The following ATP9A variants were observed in gnomAD, a reference collection of about 807,000 sequenced individuals.
ATP9A encodes the protein probable phospholipid-transporting ATPase IIA.
In ATP9A, 52 loss-of-function variants were observed where a neutral mutation model predicts 144.1. The ratio of observed to expected loss-of-function variants is 0.36; its 90% CI spans 0.29 to 0.45. ATP9A has a LOEUF of 0.45. Ranked by LOEUF, ATP9A falls within the 20% of genes least tolerant of loss-of-function variation. The pLI is 1.00. For synonymous variants in ATP9A, 582 were observed against 557.4 expected (o/e 1.04, Z -0.62); for missense variants, 947 against 1,392.7 (o/e 0.68, Z 5.09).
rs1241486754 is a variant in ATP9A at position 51,696,103 on chromosome 20, T to C, written c.537A>G (p.Ser179=). The C allele has an allele frequency of 1.2e-6, 2 of 1,613,740 alleles. No homozygotes were observed. Among genetic ancestry groups the C allele is most frequent in the African/African-American group, 2.7e-5 (2 of 74,926 alleles). ...ATCTCAGATGTTTACCGTTTTTTTCTGATGTCCTCAGGAAGATCATGTCGG... is the reference window on the plus strand; with the variant it reads ...ATCTCAGATGTTTACCGTTTTTTTCCGATGTCCTCAGGAAGATCATGTCGG... ...VPADMIFLRT[S]EKNGSCFLRT... is the part of the protein sequence containing the mutation. Residue 179 remains serine, a synonymous_variant, in exon 6 of 28, where the codon TCA becomes TCG. Transcript: ENST00000338821.
chr20:51,721,077 G>A (rs922517266), intron 3 of ATP9A, among the ~76,000 whole-genome samples: 4 of 152,186 alleles, frequency 2.6e-5, no homozygotes, highest in African/African-American at 9.7e-5. Flanking sequence ...TGTTTGTGTG[G>A]AAGAAATGAC....
chr20:51,631,579 CAA>C (rs1290808697), intron 15 of ATP9A, among the ~76,000 whole-genome samples: 1 of 152,184 alleles, frequency 6.6e-6, no homozygotes, highest in Non-Finnish European at 1.5e-5. Context: ...GAGTTCATCA[CAA>C]GTTTATTTCG....
intron 1 of ATP9A, among the ~76,000 whole-genome samples, chr20:51,746,707 G>A (rs2077809774): frequency 6.6e-6 from 1 of 152,156 alleles, no homozygotes; most frequent in Non-Finnish European, 1.5e-5. Flanking sequence ...GACATGGTGG[G>A]GGACACCTGT....
chr20:51,761,780 A>T (rs1025917920), intron 1 of ATP9A, among the ~76,000 whole-genome samples: 3 of 151,836 alleles, frequency 2.0e-5, no homozygotes, highest in Non-Finnish European at 4.4e-5. Context: ...AAAAATTAGC[A>T]CAACTTGAGT....
intron 19 of ATP9A, among the ~76,000 whole-genome samples, chr20:51,619,564 TA>T (rs1482758990): frequency 0.012 from 524 of 42,266 alleles, 2 homozygotes; most frequent in African/African-American, 0.024. Context: ...ACTCGTCTTT[TA>T]AAAAAAAAAA....
rs1437781336 is a variant in ATP9A at position 51,611,130 on chromosome 20, G to A, written c.2572-965C>T. ...GAAAGCTTTTAGAAAGCAGAAGAAA[G>A]CAAGGCAGAGATACCCTAGTCATTA... is the stretch of plus-strand genomic sequence containing the variant. On this transcript the variant is annotated intron_variant, in intron 23 of 27. Coordinates refer to ENST00000338821, the MANE Select transcript of ATP9A (RefSeq NM_006045.3). This position sits in a 1 kb window ranked among gnomAD's most constrained non-coding sequence, Gnocchi z 4.2. Among the ~76,000 whole-genome samples, 3 of 152,198 alleles carry A rather than the reference G, an allele frequency of 2.0e-5. No individual in the cohort carries two copies. The highest frequency in any genetic ancestry group is 2.9e-5 in the Non-Finnish European group (2 of 68,044).
chr20:51,610,821 T>C (rs1406598411), intron 23 of ATP9A, among the ~76,000 whole-genome samples: 2 of 152,188 alleles, frequency 1.3e-5, no homozygotes, highest in East Asian at 1.9e-4. Flanking sequence ...TTATATTACA[T>C]GTTTCGGTAT....
chr20:51,666,763 G>A (rs1192767159), intron 13 of ATP9A, among the ~76,000 whole-genome samples: 3 of 152,064 alleles, frequency 2.0e-5, no homozygotes, highest in Non-Finnish European at 4.4e-5. Context: ...GGTGGGAGGC[G>A]TGACTGCAGT....
chr20:51,651,732 C>G (rs2077367551), intron 14 of ATP9A, among the ~76,000 whole-genome samples: 1 of 151,900 alleles, frequency 6.6e-6, no homozygotes, highest in Non-Finnish European at 1.5e-5. Flanking sequence ...AGTTTGAGAC[C>G]AGCCTGGCCA....
chr20:51,687,201 CAGGCGTGG>C (rs72344593), intron 9 of ATP9A, among the ~76,000 whole-genome samples: 13,800 of 151,846 alleles, frequency 0.091, 1,015 homozygotes, highest in African/African-American at 0.2. Flanking sequence ...TGGCTGTGCC[CAGGCGTGG>C]CCCAGGCATG....
chr20:51,736,865 G>T (rs181175189), intron 1 of ATP9A, among the ~76,000 whole-genome samples: 38 of 152,050 alleles, frequency 2.5e-4, no homozygotes, highest in African/African-American at 8.9e-4. Context: ...TAAGGGGGGT[G>T]GCAGTGGGGG....
chr20:51,751,840 G>T (rs558984101), intron 1 of ATP9A, among the ~76,000 whole-genome samples: 1 of 151,796 alleles, frequency 6.6e-6, no homozygotes, highest in Non-Finnish European at 1.5e-5. Flanking sequence ...CGCCCGCCTC[G>T]GCCTCCCAAA....
chr20:51,641,818 C>T (rs1223494025), intron 14 of ATP9A, among the ~76,000 whole-genome samples: 2 of 95,092 alleles, frequency 2.1e-5, no homozygotes, highest in East Asian at 4.9e-4. Flanking sequence ...GCAACAAGAG[C>T]GAAACTCCAT....
intron 1 of ATP9A, among the ~76,000 whole-genome samples, chr20:51,742,686 T>C (rs534783569): frequency 1.4e-4 from 21 of 152,252 alleles, no homozygotes; most frequent in African/African-American, 4.8e-4. Flanking sequence ...AGCTAACTTT[T>C]GTATTTTTAG....
intron 1 of ATP9A, among the ~76,000 whole-genome samples, chr20:51,760,306 G>T (rs1302856876): frequency 6.6e-6 from 1 of 152,100 alleles, no homozygotes; most frequent in Admixed American, 6.6e-5. Context: ...CCTAAAACGA[G>T]GTTCTTCATT....
intron 18 of ATP9A, among the ~76,000 whole-genome samples, chr20:51,624,519 G>A (rs964107605): frequency 6.6e-6 from 1 of 151,988 alleles, no homozygotes; most frequent in South Asian, 2.1e-4. Context: ...TGGCGCTGAC[G>A]GTCACTCTGC....
chr20:51,729,189 AT>A (rs1291963059), intron 2 of ATP9A, among the ~76,000 whole-genome samples: 2 of 152,154 alleles, frequency 1.3e-5, no homozygotes, highest in African/African-American at 4.8e-5. Context: ...CACTGCTGAC[AT>A]TCTTTTCTGC....
At chr20:51,741,272 C>T (rs62226753) in intron 1 of ATP9A, among the ~76,000 whole-genome samples, 1 of 152,104 alleles carries the variant, frequency 6.6e-6, no homozygotes, top group Non-Finnish European at 1.5e-5. Context: ...AGGAAGCACA[C>T]ACGAACATTA....
intron 14 of ATP9A, among the ~76,000 whole-genome samples, chr20:51,648,512 C>T (rs2033892640): frequency 6.6e-6 from 1 of 152,150 alleles, no homozygotes; most frequent in South Asian, 2.1e-4. Context: ...TGTACGTACG[C>T]AGAAGAATAT....
Sources: allele counts gnomAD v4.1 joint callset (sites outside exome capture counted in the v4.1 genomes callset), GRCh38; gene constraint gnomAD v4.1.1; non-coding constraint Gnocchi (gnomAD v3.1); transcripts MANE v1.5; gene names NCBI Gene and HGNC (gene_info 2026-07-23, HGNC 2026-07-21).